GTF2E1: variants seen among roughly 807,000 people sequenced by gnomAD.
GTF2E1 encodes the protein TFIIE alpha subunit.
In GTF2E1, 14 loss-of-function variants were observed where a neutral mutation model predicts 34.9. That is an observed-to-expected ratio of 0.40 (90% CI 0.27 to 0.63). The LOEUF (loss-of-function observed/expected upper bound fraction) is 0.63. GTF2E1 is among the 20% of genes least tolerant of loss of function. The probability of loss-of-function intolerance (pLI) is 0.39; values close to 1 mark genes in which losing one functional copy is unlikely to be tolerated. For synonymous variants in GTF2E1, 188 were observed against 192.9 expected (o/e 0.97, Z 0.21); for missense variants, 469 against 557.7 (o/e 0.84, Z 1.60).
chr3:120,757,554 A>G (rs1709219436), intron 2 of GTF2E1, among the ~76,000 whole-genome samples: 1 of 152,132 alleles, frequency 6.6e-6, no homozygotes, highest in Admixed American at 6.5e-5. Flanking sequence ...TGTTCCTGTC[A>G]TGTGTGTTAC....
intron 3 of GTF2E1, among the ~76,000 whole-genome samples, chr3:120,772,201 C>G (rs34883421): frequency 2.0e-5 from 3 of 151,994 alleles, no homozygotes; most frequent in Non-Finnish European, 4.4e-5. Flanking sequence ...AGAGGGCTCC[C>G]TAGGATACTC....
chr3:120,781,718 T>A lies in GTF2E1; in HGVS notation c.*248T>A. 7.2e-6 allele frequency: 2 copies of A among 277,712 alleles called. No individual in the cohort carries two copies. Among genetic ancestry groups the A allele is most frequent in the Non-Finnish European group, 1.4e-5 (2 of 146,566 alleles). 17.2% of individuals were successfully genotyped at this position (277,712 alleles called of 1,614,324 possible). ...ATATTTTACTGTATTTTCTTTTCTT[T>A]TTTTTTTTTTTTTGGAGATGAAGTC... On this transcript the variant is annotated 3_prime_UTR_variant, in exon 5 of 5. Transcript: ENST00000283875.
At chr3:120,758,937 G>C (rs972226584) in intron 2 of GTF2E1, among the ~76,000 whole-genome samples, 3 of 152,174 alleles carry the variant, frequency 2.0e-5, no homozygotes, top group Non-Finnish European at 4.4e-5. Context: ...TGTATATCCA[G>C]TAATGTGATG....
chr3:120,766,973 C>A (rs370621241), intron 2 of GTF2E1, among the ~76,000 whole-genome samples: 18 of 152,050 alleles, frequency 1.2e-4, no homozygotes, highest in East Asian at 3.9e-4. Flanking sequence ...TTAAACTGGT[C>A]TTAAGTCATT....
chr3:120,746,066 C>T (rs375171564), intron 1 of GTF2E1, among the ~76,000 whole-genome samples: 10 of 152,038 alleles, frequency 6.6e-5, no homozygotes, highest in African/African-American at 2.2e-4. Context: ...CTTATATTTT[C>T]CCCCCAAAAT....
intron 1 of GTF2E1, 63 bp from the exon 2 acceptor site, chr3:120,750,460 G>A (rs1278915614): frequency 1.1e-6 from 1 of 942,458 alleles, no homozygotes; most frequent in African/African-American, 1.6e-5. Flanking sequence ...GCACTGCAAG[G>A]ATAGTGGATA....
rs1231115994 is a variant in GTF2E1, at chr3:120,770,812, C to G, written c.533C>G (p.Ala178Gly). ...MPKKDARTLLARFNEQIEPIY... is the reference protein window; with the variant it reads ...MPKKDARTLLGRFNEQIEPIY... ...AAAAAAGATGCACGCACACTTTTGG[C>G]AAGGTTTAATGAACAAATTGAGCCC... The change falls in exon 3 of 5, where the codon GCA becomes GGA. Residue 178 changes from alanine (A) to glycine (G), a missense_variant. By Grantham distance (60) the Ala-to-Gly change is moderately conservative. Transcript: ENST00000283875. The G allele has an allele frequency of 2.5e-6, 4 of 1,613,356 alleles. No individual in the cohort carries two copies. The African/African-American group carries it at 5.3e-5, about 22-fold the overall frequency.
Position 120,781,505 on chromosome 3 carries a change from C to G in GTF2E1, c.*35C>G. 6.5e-7 allele frequency: 1 copy of G among 1,529,128 alleles called. No individual in the cohort carries two copies. Among genetic ancestry groups the G allele is most frequent in the Non-Finnish European group, 9.0e-7 (1 of 1,109,570 alleles). 94.7% of individuals were successfully genotyped at this position (1,529,128 alleles called of 1,614,324 possible). Reference sequence around the variant, plus strand: ...AATTCTTTCTCCTTTCTCTAATGCTCAGTTCAAAAAGGAATGTCTCATCTT... The same window carrying G: ...AATTCTTTCTCCTTTCTCTAATGCTGAGTTCAAAAAGGAATGTCTCATCTT... On this transcript the variant is annotated 3_prime_UTR_variant, in exon 5 of 5. Transcript: ENST00000283875.
intron 4 of GTF2E1, among the ~76,000 whole-genome samples, chr3:120,780,279 C>T (rs946274546): frequency 1.3e-5 from 2 of 152,048 alleles, no homozygotes; most frequent in Non-Finnish European, 2.9e-5. Flanking sequence ...GTAAGTTATT[C>T]ATTATGTTAG....
At chr3:120,752,431 A>T (rs1454062429) in intron 2 of GTF2E1, among the ~76,000 whole-genome samples, 1 of 152,204 alleles carries the variant, frequency 6.6e-6, no homozygotes, top group Admixed American at 6.5e-5. Context: ...TGGAGGCTTC[A>T]TCACTCTTGA....
intron 2 of GTF2E1, among the ~76,000 whole-genome samples, chr3:120,756,352 C>G (rs1709209532): frequency 6.6e-6 from 1 of 151,618 alleles, no homozygotes; most frequent in Non-Finnish European, 1.5e-5. Flanking sequence ...AAAAAGAAAT[C>G]TTTCCAAGAT....
chr3:120,746,567 G>T (rs112293176), intron 1 of GTF2E1, among the ~76,000 whole-genome samples: 1 of 152,044 alleles, frequency 6.6e-6, no homozygotes, highest in Non-Finnish European at 1.5e-5. Flanking sequence ...AAGCCCCCAA[G>T]GTAGGTGGAT....
intron 4 of GTF2E1, among the ~76,000 whole-genome samples, 156 bp from the exon 5 acceptor site, chr3:120,780,887 A>G (rs1386629428): frequency 6.6e-6 from 1 of 152,178 alleles, no homozygotes; most frequent in Non-Finnish European, 1.5e-5. Context: ...TGTAAGAAAT[A>G]TTTTGAATAT....
chr3:120,751,131 A>G (rs1709161868), intron 2 of GTF2E1, 131 bp downstream of exon 2: 2 of 628,970 alleles, frequency 3.2e-6, no homozygotes, highest in African/African-American at 1.8e-5. Context: ...AAATCACAGC[A>G]TACAGTCAGT....
At chr3:120,761,005 A>C in intron 2 of GTF2E1, among the ~76,000 whole-genome samples, 1 of 152,182 alleles carries the variant, frequency 6.6e-6, no homozygotes, top group East Asian at 1.9e-4. Context: ...GAATGGTACC[A>C]GCTCCTCCTT....
chr3:120,743,952 A>C (rs1245417201), intron 1 of GTF2E1, among the ~76,000 whole-genome samples: 1 of 152,120 alleles, frequency 6.6e-6, no homozygotes, highest in Non-Finnish European at 1.5e-5. Context: ...TAGGGAGGTG[A>C]GGCTGGGATC....
chr3:120,761,331 T>C (rs1430121652), intron 2 of GTF2E1, among the ~76,000 whole-genome samples: 2 of 152,218 alleles, frequency 1.3e-5, no homozygotes, highest in East Asian at 1.9e-4. Context: ...TTAGTCTGGC[T>C]AGCAGTCTAT....
chr3:120,769,091 A>G lies in GTF2E1; in HGVS notation c.449-1637A>G, dbSNP rs59971766. ...ATAGGTTGTTGATTCTCATATCTAA[A>G]TTTGTAGTCTAAACCCCTCTCTTGA... On this transcript the variant is annotated intron_variant, in intron 2 of 4. Transcript: ENST00000283875. 5.7e-3 allele frequency among the ~76,000 whole-genome samples: 860 copies of G among 151,994 alleles called. 12 individuals carry two copies. Among genetic ancestry groups the G allele is most frequent in the African/African-American group, 0.02 (827 of 41,430 alleles).
intron 2 of GTF2E1, among the ~76,000 whole-genome samples, chr3:120,753,519 A>G (rs977611355): frequency 3.9e-5 from 6 of 152,164 alleles, no homozygotes; most frequent in Non-Finnish European, 5.9e-5. Context: ...TACATAAGCA[A>G]TTAGGGGATA....
Sources: gnomAD v4.1 joint callset for allele counts (sites outside exome capture counted in the v4.1 genomes callset) on GRCh38, gnomAD v4.1.1 for gene constraint, MANE v1.5 for transcripts, NCBI Gene and HGNC (gene_info 2026-07-23, HGNC 2026-07-21) for gene names.